MAPKAPK2: variants seen among roughly 807,000 people sequenced by gnomAD.
MAPKAPK2 encodes MAP kinase-activated protein kinase 2.
A neutral mutation model predicts 48.8 loss-of-function variants in MAPKAPK2; 9 were observed. The observed-to-expected ratio is 0.18, with a 90% confidence interval of 0.11 to 0.32. The LOEUF (loss-of-function observed/expected upper bound fraction) is 0.32, where lower values mean the gene tolerates loss of function less well. Among genes scored for constraint, MAPKAPK2 ranks in the 10% least tolerant of loss-of-function variants. The pLI, the probability that MAPKAPK2 is intolerant of heterozygous loss-of-function variation, is 1.00. For synonymous variants in MAPKAPK2, 202 were observed against 190.6 expected (o/e 1.06, Z -0.49); for missense variants, 331 against 498.3 (o/e 0.66, Z 3.20).
At chr1:206,712,457 A>G (rs782019697) in intron 1 of MAPKAPK2, among the ~76,000 whole-genome samples, 34 of 152,148 alleles carry the variant, frequency 2.2e-4, no homozygotes, top group Non-Finnish European at 4.4e-4. Context: ...GACTAGAGAA[A>G]AGTCTCTTTC....
At chr1:206,728,943 G>T (rs1205822000) in intron 2 of MAPKAPK2, 92 bp from the exon 3 acceptor site, 4 of 1,612,264 alleles carry the variant, frequency 2.5e-6, no homozygotes, top group Non-Finnish European at 3.4e-6. Context: ...TGGGCCTGAA[G>T]CCTGGAATGT....
At chr1:206,688,796 G>C (rs1672365161) in intron 1 of MAPKAPK2, among the ~76,000 whole-genome samples, 1 of 151,976 alleles carries the variant, frequency 6.6e-6, no homozygotes, top group African/African-American at 2.4e-5. Flanking sequence ...CACCATGCCC[G>C]GCTAATTTTT....
chr1:206,695,946 G>A (rs2102380019), intron 1 of MAPKAPK2: 1 of 682,212 alleles, frequency 1.5e-6, no homozygotes, highest in East Asian at 2.7e-5. Flanking sequence ...GGCCACCTGG[G>A]CCCCAGGTCC....
intron 1 of MAPKAPK2, among the ~76,000 whole-genome samples, chr1:206,712,810 A>G (rs147996759): frequency 1.3e-5 from 2 of 152,146 alleles, no homozygotes; most frequent in East Asian, 3.9e-4. Flanking sequence ...TACTAAAAAT[A>G]TAAAAATTTG....
At chr1:206,719,060 A>T (rs1249515378) in intron 1 of MAPKAPK2, among the ~76,000 whole-genome samples, 1 of 152,106 alleles carries the variant, frequency 6.6e-6, no homozygotes, top group African/African-American at 2.4e-5. Context: ...AGTGTCTTCC[A>T]TTCAGCCATC....
In MAPKAPK2 at chr1:206,685,323, C is replaced by G. The variant is rs782064315; in HGVS notation, c.94C>G (p.Pro32Ala). 1.3e-4 allele frequency: 187 copies of G among 1,419,704 alleles called. No individual in the cohort carries two copies. The highest frequency in any genetic ancestry group is 1.6e-4 in the Non-Finnish European group (171 of 1,068,898). 87.9% of individuals were successfully genotyped at this position (1,419,704 alleles called of 1,614,324 possible). Reference protein sequence around the residue: ...QPPTPALPHPPAQPPPPPPQQ... With the variant: ...QPPTPALPHPAAQPPPPPPQQ... The stretch of plus-strand genomic sequence containing the variant: ...CCCCACCCCTGCCCTGCCGCACCCC[C>G]CGGCGCAGCCGCCGCCGCCGCCCCC... Residue 32 changes from proline (P) to alanine (A), a missense_variant, in exon 1 of 10, where the codon CCG becomes GCG. Coordinates refer to ENST00000367103, the MANE Select transcript of MAPKAPK2 (RefSeq NM_032960.4).
rs955617176 is a variant in MAPKAPK2 at position 206,731,385 on chromosome 1, C to T, written c.892+123C>T. The stretch of plus-strand genomic sequence containing the variant: ...TGTGCGTGGTGTAACTGTGGGTTAG[C>T]ACCTATGCCCACGCCTGCGGGGTGC... On this transcript the variant is annotated intron_variant, in intron 7 of 9. Transcript: ENST00000367103. This position sits in a 1 kb window ranked among gnomAD's most constrained non-coding sequence, Gnocchi z 5.9. 28 of 1,508,744 alleles carry T rather than the reference C, an allele frequency of 1.9e-5. No individual in the cohort carries two copies. The highest frequency in any genetic ancestry group is 8.0e-5 in the Admixed American group (4 of 50,234). The allele number at this position is 1,508,744 out of a possible 1,614,324, so 93.5% of individuals were successfully genotyped here.
intron 1 of MAPKAPK2, among the ~76,000 whole-genome samples, chr1:206,727,919 G>A (rs1371065113): frequency 3.9e-5 from 6 of 152,158 alleles, no homozygotes; most frequent in African/African-American, 1.2e-4. Flanking sequence ...CACCGTGCCC[G>A]GCAGCAGATT....
chr1:206,691,147 TAGTGCAGAAATGTTC>T (rs1170988218), intron 1 of MAPKAPK2, among the ~76,000 whole-genome samples: 6 of 152,188 alleles, frequency 3.9e-5, no homozygotes, highest in South Asian at 4.1e-4. Context: ...GAAGCTGGCC[TAGTGCAGAAATGTTC>T]AGTGGCATGT....
In MAPKAPK2 at chr1:206,733,280, A is replaced by ATGTGTGTGTGTG. The variant is rs5780359; in HGVS notation, c.*577_*588dup. The ATGTGTGTGTGTG allele has an allele frequency of 6.6e-6, 1 of 151,290 alleles. No individual in the cohort carries two copies. The highest frequency in any genetic ancestry group is 1.9e-4 in the East Asian group (1 of 5,178). The allele number at this position is 151,290 out of a possible 1,614,324, so 9.4% of individuals were successfully genotyped here. On this transcript the variant is annotated 3_prime_UTR_variant, in exon 10 of 10. Coordinates refer to ENST00000367103, the MANE Select transcript of MAPKAPK2 (RefSeq NM_032960.4). ...GTGCCAGACAAATAGGAGTGAGTGTATGTGTGTGTGTGTGTGTGTGTGTGT... is the reference window on the plus strand; with the variant it reads ...GTGCCAGACAAATAGGAGTGAGTGTATGTGTGTGTGTGTGTGTGTGTGTGTGTGTGTGTGTGT...
At chr1:206,693,479 C>T (rs1339700343) in intron 1 of MAPKAPK2, among the ~76,000 whole-genome samples, 1 of 152,100 alleles carries the variant, frequency 6.6e-6, no homozygotes. Context: ...ATGAAAGCTC[C>T]GTGAAGCTGT....
intron 1 of MAPKAPK2, among the ~76,000 whole-genome samples, chr1:206,705,445 C>G (rs1286793470): frequency 2.6e-5 from 4 of 152,252 alleles, no homozygotes; most frequent in African/African-American, 9.6e-5. Context: ...GCCAGGCTGC[C>G]GAGAGTGCCT....
chr1:206,733,280 AT>A lies in MAPKAPK2; in HGVS notation c.*563del, dbSNP rs1673992465. On this transcript the variant is annotated 3_prime_UTR_variant, in exon 10 of 10. Transcript: ENST00000367103. ...GTGCCAGACAAATAGGAGTGAGTGT[AT>A]GTGTGTGTGTGTGTGTGTGTGTGTG... 2 of 151,290 alleles carry A rather than the reference AT, an allele frequency of 1.3e-5. No individual in the cohort carries two copies. Among genetic ancestry groups the A allele is most frequent in the Non-Finnish European group, 1.5e-5 (1 of 68,108 alleles). The allele number at this position is 151,290 out of a possible 1,614,324, so 9.4% of individuals were successfully genotyped here.
Position 206,732,703 on chromosome 1 carries a change from G to A in MAPKAPK2, c.1188G>A (p.Ala396=), listed in dbSNP as rs201580623. ...AGAAAGCTCGGGCCCTGGAGGCTGCGGCTCTGGCCCACTGAGCCACCGCGC... is the reference window on the plus strand; with the variant it reads ...AGAAAGCTCGGGCCCTGGAGGCTGCAGCTCTGGCCCACTGAGCCACCGCGC... The part of the protein sequence containing the change: ...RRKKARALEA[A]ALAH Residue 396 remains alanine, a synonymous_variant, in exon 10 of 10, where the codon GCG becomes GCA. Coordinates refer to ENST00000367103, the MANE Select transcript of MAPKAPK2 (RefSeq NM_032960.4). The surrounding 1 kb of genome is among the most constrained non-coding windows in gnomAD (Gnocchi z 4.4). 4.0e-5 allele frequency: 64 copies of A among 1,614,056 alleles called. No individual in the cohort carries two copies. The highest frequency in any genetic ancestry group is 1.9e-4 in the South Asian group (17 of 91,084).
chr1:206,725,540 T>A (rs1673677417), intron 1 of MAPKAPK2, among the ~76,000 whole-genome samples: 1 of 152,138 alleles, frequency 6.6e-6, no homozygotes, highest in African/African-American at 2.4e-5. Flanking sequence ...TCATAATGTT[T>A]CTATGAGGGG....
intron 4 of MAPKAPK2, 93 bp from the exon 5 acceptor site, chr1:206,729,879 A>G (rs1268500852): frequency 2.3e-5 from 34 of 1,498,026 alleles, no homozygotes; most frequent in Non-Finnish European, 3.1e-5. Flanking sequence ...TTGCTGGATG[A>G]GTAGAGGAAG....
intron 1 of MAPKAPK2, chr1:206,695,984 G>A (rs782478792): frequency 1.1e-5 from 8 of 745,016 alleles, no homozygotes; most frequent in Non-Finnish European, 2.0e-5. Flanking sequence ...TTCCTCCTAT[G>A]GCTCGGAGTT....
chr1:206,685,617 C>T (rs1572471095), intron 1 of MAPKAPK2, 109 bp downstream of exon 1: 1 of 882,502 alleles, frequency 1.1e-6, no homozygotes, highest in Non-Finnish European at 1.4e-6. Context: ...GGAGGGGTGG[C>T]CGCGGCGGGG....
At position 206,704,337 on chromosome 1, in the gene MAPKAPK2, C is replaced by T. The variant is rs1672888219; in HGVS notation, c.279+18829C>T. Among the ~76,000 whole-genome samples, 1 of 152,212 alleles carries T rather than the reference C, an allele frequency of 6.6e-6. No individual in the cohort carries two copies. The highest frequency in any genetic ancestry group is 2.1e-4 in the South Asian group (1 of 4,826). ...GAGGTCGGATGGGGTCTCCCAGGGT[C>T]CCCTTGCTGGGCACGCTTGGCAGGC... On this transcript the variant is annotated intron_variant, in intron 1 of 9. Transcript: ENST00000367103. The surrounding 1 kb of genome is among the most constrained non-coding windows in gnomAD (Gnocchi z 4.3).
Sources: gnomAD v4.1 joint callset for allele counts (sites outside exome capture counted in the v4.1 genomes callset) on GRCh38, gnomAD v4.1.1 for gene constraint, Gnocchi (gnomAD v3.1) non-coding constraint, MANE v1.5 for transcripts, NCBI Gene and HGNC (gene_info 2026-07-23, HGNC 2026-07-21) for gene names.